Variants in CHRND observed in about 807,000 individuals in gnomAD.
CHRND encodes the protein cholinergic receptor nicotinic delta subunit, also known as acetylcholine receptor subunit delta.
Under a neutral mutation model 57.8 loss-of-function variants are expected in CHRND, and 40 were observed. The ratio of observed to expected loss-of-function variants is 0.69; its 90% CI spans 0.54 to 0.90. The LOEUF is 0.90. Among genes scored for constraint, CHRND ranks in the 40% least tolerant of loss-of-function variants. The pLI is 0.00. For missense variants in CHRND, 634 were observed against 673.9 expected (o/e 0.94, Z 0.66); for synonymous variants, 237 against 270.6 (o/e 0.88, Z 1.22).
intron 5 of CHRND, 42 bp downstream of exon 5, chr2:232,528,698 T>C: frequency 6.2e-7 from 1 of 1,613,220 alleles, no homozygotes; most frequent in South Asian, 1.1e-5. Flanking sequence ...CAAAGCACCC[T>C]GCCAGAGGCC....
In CHRND at chr2:232,527,816, A is replaced by G. The variant is rs573381785; in HGVS notation, c.243+371A>G. On this transcript the variant is annotated intron_variant, in intron 3 of 11. Transcript: ENST00000258385. ...ATGCAGGGCACCAGATTGCTTCTGC[A>G]TGGAGATCCCGTCTGCCTTGGACAC... 1.1e-3 allele frequency among the ~76,000 whole-genome samples: 169 copies of G among 152,308 alleles called. 1 individual carries two copies. The highest frequency in any genetic ancestry group is 3.7e-3 in the African/African-American group (154 of 41,578).
intron 9 of CHRND, among the ~76,000 whole-genome samples, chr2:232,532,227 G>T (rs982986963): frequency 2.0e-5 from 3 of 151,958 alleles, no homozygotes; most frequent in Non-Finnish European, 4.4e-5. Flanking sequence ...CAGCACTTTG[G>T]GTGGCTGAGG....
chr2:232,534,054 T>A lies in CHRND; in HGVS notation c.1171T>A (p.Phe391Ile). The A allele has an allele frequency of 6.2e-7, 1 of 1,614,116 alleles. No individual in the cohort carries two copies. The highest frequency in any genetic ancestry group is 8.5e-7 in the Non-Finnish European group (1 of 1,180,030). ...ATACATCTCCAAGGCCGAGGAGTAC[T>A]TCCTGCTCAAGTCCCGCAGTGACCT... The part of the protein sequence containing the change: ...LGYISKAEEY[F>I]LLKSRSDLMF... Residue 391 changes from phenylalanine (F) to isoleucine (I), a missense_variant, in exon 10 of 12, where the codon TTC (phenylalanine) becomes ATC (isoleucine). By Grantham distance (21) the Phe-to-Ile change is conservative. Coordinates refer to ENST00000258385, the MANE Select transcript of CHRND (RefSeq NM_000751.3).
rs1336929545 is a variant in CHRND, at chr2:232,535,358, A to G, written c.*46A>G. On this transcript the variant is annotated 3_prime_UTR_variant, in exon 12 of 12. Transcript: ENST00000258385. Reference sequence around the variant, plus strand: ...AGGAGACAGCAGGGTCTGAGAGAGGAGCCACAGTCCCTAATGACACCCACT... The same window carrying G: ...AGGAGACAGCAGGGTCTGAGAGAGGGGCCACAGTCCCTAATGACACCCACT... 4 of 1,602,164 alleles carry G rather than the reference A, an allele frequency of 2.5e-6. No individual in the cohort carries two copies. The East Asian group carries it at 8.9e-5, about 36-fold the overall frequency.
At chr2:232,526,826 T>G in intron 2 of CHRND, 152 bp downstream of exon 2, 2 of 787,982 alleles carry the variant, frequency 2.5e-6, no homozygotes, top group Admixed American at 2.2e-5. Context: ...CCTGAGAGGC[T>G]GCTGTCCTGC....
chr2:232,531,263 CGG>C, intron 7 of CHRND, 87 bp from the exon 8 acceptor site: 8 of 870,160 alleles, frequency 9.2e-6, no homozygotes, highest in Non-Finnish European at 1.4e-5. Flanking sequence ...GGGGCCACAG[CGG>C]GACCCTCTAG....
intron 6 of CHRND, 63 bp from the exon 7 acceptor site, chr2:232,529,876 C>T: frequency 6.4e-7 from 1 of 1,571,564 alleles, no homozygotes; most frequent in Non-Finnish European, 8.7e-7. Context: ...TCATTCTGTC[C>T]CCAGGCCCTG....
At position 232,528,972 on chromosome 2, in the gene CHRND, G is replaced by C; in HGVS notation, c.619+1G>C. The C allele has an allele frequency of 6.2e-7, 1 of 1,613,180 alleles. No individual in the cohort carries two copies. The stretch of plus-strand genomic sequence containing the variant: ...ATCATTGATCCTGAAGGCTTCACAG[G>C]TGCTGGGAACAGCCGCCAGTGGGTG... On this transcript the variant is annotated splice_donor_variant, in intron 6 of 11. Transcript: ENST00000258385. LOFTEE classifies it high-confidence loss of function.
chr2:232,534,494 G>A, intron 11 of CHRND, 152 bp downstream of exon 11: 1 of 837,350 alleles, frequency 1.2e-6, no homozygotes, highest in Non-Finnish European at 2.0e-6. Context: ...CCCCGCCAGG[G>A]AGAGAGAACT....
chr2:232,534,099 G>A lies in CHRND; in HGVS notation c.1216G>A (p.Glu406Lys), dbSNP rs890972469. Reference protein sequence around the residue: ...RSDLMFEKQSERHGLARRLTT... With the variant: ...RSDLMFEKQSKRHGLARRLTT... ...TGACCTCATGTTCGAGAAGCAGTCA[G>A]AGCGGCATGGGCTGGCCAGGCGCCT... The change falls in exon 10 of 12, where the codon GAG becomes AAG. Residue 406 changes from glutamate to lysine, a missense_variant. Physicochemically the swap from Glu to Lys is moderately conservative, Grantham distance 56 (BLOSUM62 1). Coordinates refer to ENST00000258385, the MANE Select transcript of CHRND (RefSeq NM_000751.3). The A allele has an allele frequency of 1.9e-6, 3 of 1,614,026 alleles. No individual in the cohort carries two copies. The highest frequency in any genetic ancestry group is 2.7e-5 in the African/African-American group (2 of 74,954).
At chr2:232,529,084 A>G in intron 6 of CHRND, 113 bp downstream of exon 6, 1 of 754,912 alleles carries the variant, frequency 1.3e-6, no homozygotes, top group South Asian at 1.4e-5. Flanking sequence ...TTAGGACACC[A>G]ATACACAGCT....
chr2:232,535,031 C>T (rs2573252), intron 11 of CHRND, 99 bp from the exon 12 acceptor site: 6 of 1,440,152 alleles, frequency 4.2e-6, no homozygotes, highest in East Asian at 2.3e-5. Flanking sequence ...TGCAGGCACA[C>T]TGAGCCGCCC....
chr2:232,533,998 G>C lies in CHRND; in HGVS notation c.1115G>C (p.Gly372Ala). Residue 372 changes from glycine to alanine, a missense_variant, in exon 10 of 12, where the codon GGG becomes GCG. Transcript: ENST00000258385. ...CCAGCAGAGGATGGACCCAGCCCTG[G>C]GGCCCTGGTGCGGAGGAGCAGCTCC... is the stretch of plus-strand genomic sequence containing the variant. Reference protein sequence around the residue: ...SRPAEDGPSPGALVRRSSSLG... With the variant: ...SRPAEDGPSPAALVRRSSSLG... 1.9e-6 allele frequency: 3 copies of C among 1,613,932 alleles called. No homozygotes were observed. The highest frequency in any genetic ancestry group is 2.5e-6 in the Non-Finnish European group (3 of 1,180,044).
chr2:232,527,362 G>T, intron 2 of CHRND, 39 bp from the exon 3 acceptor site: 4 of 1,509,054 alleles, frequency 2.7e-6, no homozygotes, highest in Non-Finnish European at 3.7e-6. Flanking sequence ...ATAAAAGAAT[G>T]ATATGGCCCT....
Position 232,528,897 on chromosome 2 carries a change from G to A in CHRND, c.545G>A (p.Ser182Asn). The change falls in exon 6 of 12, where the codon AGC becomes AAC. Residue 182 changes from serine (S) to asparagine (N), a missense_variant. Ser to Asn is a conservative substitution (Grantham distance 46). Transcript: ENST00000258385. ...LKYTAKEITL[S>N]LKQDAKENRT... ...TATACGGCCAAAGAGATCACCCTGA[G>A]CCTGAAACAGGATGCCAAGGAGAAC... 1.2e-6 allele frequency: 2 copies of A among 1,614,064 alleles called. No homozygotes were observed. The highest frequency in any genetic ancestry group is 1.7e-6 in the Non-Finnish European group (2 of 1,180,006).
Position 232,534,044 on chromosome 2 carries a change from C to G in CHRND, c.1161C>G (p.Ala387=), listed in dbSNP as rs376017740. ...RSSSLGYISK[A]EEYFLLKSRS... ...GCTCCCTGGGATACATCTCCAAGGC[C>G]GAGGAGTACTTCCTGCTCAAGTCCC... Residue 387 remains alanine (A), a synonymous_variant, in exon 10 of 12, where the codon GCC becomes GCG. Transcript: ENST00000258385. 23 of 1,614,096 alleles carry G rather than the reference C, an allele frequency of 1.4e-5. No individual in the cohort carries two copies. Among genetic ancestry groups the G allele is most frequent in the Non-Finnish European group, 1.9e-5 (23 of 1,180,042 alleles).
rs372551466 is a variant in CHRND, at chr2:232,534,041, G to A, written c.1158G>A (p.Lys386=). ...RRSSSLGYIS[K]AEEYFLLKSR... is the part of the protein sequence containing the mutation. Reference sequence around the variant, plus strand: ...GCAGCTCCCTGGGATACATCTCCAAGGCCGAGGAGTACTTCCTGCTCAAGT... The same window carrying A: ...GCAGCTCCCTGGGATACATCTCCAAAGCCGAGGAGTACTTCCTGCTCAAGT... The change falls in exon 10 of 12, where the codon AAG becomes AAA. Residue 386 remains lysine (K), a synonymous_variant. Coordinates refer to ENST00000258385, the MANE Select transcript of CHRND (RefSeq NM_000751.3). The A allele has an allele frequency of 1.9e-6, 3 of 1,614,008 alleles. No individual in the cohort carries two copies. Among genetic ancestry groups the A allele is most frequent in the Non-Finnish European group, 2.5e-6 (3 of 1,180,056 alleles).
rs745430464 is a variant in CHRND at position 232,535,780 on chromosome 2, G to T, written c.*468G>T. The T allele has an allele frequency of 6.6e-6, 3 of 455,240 alleles. No homozygotes were observed. Among genetic ancestry groups the T allele is most frequent in the South Asian group, 4.7e-5 (3 of 64,480 alleles). The allele number at this position is 455,240 out of a possible 1,614,324, so 28.2% of individuals were successfully genotyped here. A position where few individuals can be genotyped will look rare whatever the true frequency, so the allele number is the denominator to read the frequency against. On this transcript the variant is annotated 3_prime_UTR_variant, in exon 12 of 12. Coordinates refer to ENST00000258385, the MANE Select transcript of CHRND (RefSeq NM_000751.3). ...AGGCCTCACCTGGGACTGAGGTTGA[G>T]GACACCTCCCTCCCTCCAGACCCCA...
At position 232,535,871 on chromosome 2, in the gene CHRND, CTGGAG is replaced by C. The variant is rs1691872554; in HGVS notation, c.*564_*568del. The C allele has an allele frequency of 2.2e-6, 1 of 453,972 alleles. No homozygotes were observed. The highest frequency in any genetic ancestry group is 4.4e-6 in the Non-Finnish European group (1 of 226,814). The allele number at this position is 453,972 out of a possible 1,614,324, so 28.1% of individuals were successfully genotyped here. The stretch of plus-strand genomic sequence containing the variant: ...CTAGGTCCCTTTGGGAAGTTGAGGA[CTGGAG>C]TGGAAAGGTCAGGATCGACATCCAC... On this transcript the variant is annotated 3_prime_UTR_variant, in exon 12 of 12. Transcript: ENST00000258385.
Sources: gnomAD v4.1 joint callset for allele counts (sites outside exome capture counted in the v4.1 genomes callset) on GRCh38, gnomAD v4.1.1 for gene constraint, MANE v1.5 for transcripts, NCBI Gene and HGNC (gene_info 2026-07-23, HGNC 2026-07-21) for gene names.